Variants in WFDC1 observed in about 807,000 individuals in gnomAD.
WFDC1 encodes the protein WAP four-disulfide core domain 1, also known as WAP four-disulfide core domain protein 1.
Under a neutral mutation model 32.9 loss-of-function variants are expected in WFDC1, and 39 were observed. The ratio of observed to expected loss-of-function variants is 1.19; its 90% CI spans 0.92 to 1.55. WFDC1 has a LOEUF of 1.55. WFDC1 is among the 40% of genes most tolerant of loss of function. The probability of loss-of-function intolerance (pLI) is 0.00; values close to 1 mark genes in which losing one functional copy is unlikely to be tolerated. For synonymous variants in WFDC1, 184 were observed against 137.4 expected (o/e 1.34, Z -2.37); for missense variants, 386 against 309.5 (o/e 1.25, Z -1.85).
At chr16:84,301,468 G>T (rs147755581) in intron 1 of WFDC1, among the ~76,000 whole-genome samples, 329 of 152,276 alleles carry the variant, frequency 2.2e-3, no homozygotes, top group Non-Finnish European at 4.1e-3. Flanking sequence ...AGCTTTGTCT[G>T]CTCCTTGAAC....
intron 1 of WFDC1, among the ~76,000 whole-genome samples, chr16:84,297,692 G>A (rs539960596): frequency 6.7e-6 from 1 of 150,230 alleles, no homozygotes; most frequent in East Asian, 2.0e-4. Flanking sequence ...CTGTTCGCCT[G>A]TGGCTCAGAG....
intron 1 of WFDC1, 130 bp downstream of exon 1, chr16:84,295,245 T>C: frequency 8.2e-7 from 1 of 1,220,136 alleles, no homozygotes; most frequent in Non-Finnish European, 1.1e-6. Context: ...GGCGTCTTCC[T>C]ATCCGTGTGT....
At chr16:84,319,367 C>T (rs1908157543) in intron 3 of WFDC1, 64 bp from the exon 4 acceptor site, 6 of 1,583,210 alleles carry the variant, frequency 3.8e-6, no homozygotes, top group East Asian at 4.5e-5. Context: ...GCCTTCTAGA[C>T]CCTAGCATGT....
In WFDC1 at chr16:84,318,128, G is replaced by C. The variant is rs530508377; in HGVS notation, c.338-144G>C. On this transcript the variant is annotated intron_variant, in intron 2 of 6. Transcript: ENST00000219454. ...GAAAGGTTCTATCACTAAAAGCAAA[G>C]GGTGAAGGTGTGCCAGGAACCATAG... The C allele has an allele frequency of 2.2e-5, 16 of 728,562 alleles. No homozygotes were observed. The African/African-American group carries it at 2.8e-4, about 13-fold the overall frequency. 45.1% of individuals were successfully genotyped at this position (728,562 alleles called of 1,614,324 possible).
intron 1 of WFDC1, among the ~76,000 whole-genome samples, chr16:84,310,004 C>CT (rs1000148462): frequency 8.5e-5 from 13 of 152,194 alleles, no homozygotes; most frequent in African/African-American, 3.1e-4. Context: ...TGCAAAGACC[C>CT]TTTTTCCTTT....
At chr16:84,301,259 A>T (rs545313888) in intron 1 of WFDC1, among the ~76,000 whole-genome samples, 2 of 152,288 alleles carry the variant, frequency 1.3e-5, no homozygotes, top group East Asian at 3.9e-4. Context: ...TTAAGCCCCC[A>T]GCGTGTGGCA....
chr16:84,316,295 C>G (rs1597684492), intron 2 of WFDC1: 1 of 152,238 alleles, frequency 6.6e-6, no homozygotes, highest in East Asian at 1.9e-4. Context: ...AAAAGCTAAC[C>G]AGCATTTTTA....
rs1177641903 is a variant in WFDC1, at chr16:84,329,624, C to G, written c.*318C>G. The G allele has an allele frequency of 1.3e-5, 2 of 152,164 alleles. No individual in the cohort carries two copies. The highest frequency in any genetic ancestry group is 4.8e-5 in the African/African-American group (2 of 41,416). 9.4% of individuals were successfully genotyped at this position (152,164 alleles called of 1,614,324 possible). A position where few individuals can be genotyped will look rare whatever the true frequency, so the allele number is the denominator to read the frequency against. On this transcript the variant is annotated 3_prime_UTR_variant, in exon 7 of 7. Coordinates refer to ENST00000219454, the MANE Select transcript of WFDC1 (RefSeq NM_021197.4). The stretch of plus-strand genomic sequence containing the variant: ...GCATTTCTGAAGCCCCTTTCTAAGA[C>G]AAGGCTCAGCATCTTGATATTTTTG...
intron 1 of WFDC1, among the ~76,000 whole-genome samples, chr16:84,303,017 CTTTCT>C (rs1163419362): frequency 2.6e-4 from 34 of 128,772 alleles, no homozygotes; most frequent in Admixed American, 2.4e-3. Flanking sequence ...GAATTTCTTT[CTTTCT>C]TTTTTTTTTT....
chr16:84,301,190 G>A (rs244829), intron 1 of WFDC1, among the ~76,000 whole-genome samples: 128,181 of 152,160 alleles, frequency 0.84, 54,164 homozygotes, highest in East Asian at 0.99. Flanking sequence ...AACCCTGCCA[G>A]ACACCTGGAT....
At chr16:84,302,339 A>T (rs544779765) in intron 1 of WFDC1, among the ~76,000 whole-genome samples, 1 of 152,316 alleles carries the variant, frequency 6.6e-6, no homozygotes, top group East Asian at 1.9e-4. Flanking sequence ...TCGCACACTT[A>T]AGATGGCTGA....
At chr16:84,302,280 G>C (rs1263525777) in intron 1 of WFDC1, among the ~76,000 whole-genome samples, 1 of 152,186 alleles carries the variant, frequency 6.6e-6, no homozygotes, top group African/African-American at 2.4e-5. Flanking sequence ...CGCAGAAATA[G>C]ATCATGGAGG....
intron 1 of WFDC1, among the ~76,000 whole-genome samples, chr16:84,310,877 C>G (rs1431635629): frequency 1.3e-5 from 2 of 152,132 alleles, no homozygotes; most frequent in African/African-American, 4.8e-5. Context: ...GCCCTATGTA[C>G]TGGGCCAGCA....
intron 1 of WFDC1, among the ~76,000 whole-genome samples, chr16:84,307,724 TGTATTC>T (rs1907348945): frequency 6.6e-6 from 1 of 151,894 alleles, no homozygotes; most frequent in Admixed American, 6.6e-5. Flanking sequence ...CGACGTACGG[TGTATTC>T]TTAACCACCC....
chr16:84,304,077 T>A (rs1191816540), intron 1 of WFDC1, among the ~76,000 whole-genome samples: 1 of 152,206 alleles, frequency 6.6e-6, no homozygotes, highest in Admixed American at 6.5e-5. Flanking sequence ...TCCAGCCTCT[T>A]TTGGTTGCAC....
intron 1 of WFDC1, among the ~76,000 whole-genome samples, chr16:84,303,795 G>A (rs1381338399): frequency 6.6e-6 from 1 of 152,108 alleles, no homozygotes; most frequent in African/African-American, 2.4e-5. Context: ...AACCCTACAG[G>A]AAACCCTGCA....
chr16:84,309,308 A>G (rs1907468382), intron 1 of WFDC1, among the ~76,000 whole-genome samples: 1 of 152,044 alleles, frequency 6.6e-6, no homozygotes, highest in Non-Finnish European at 1.5e-5. Context: ...CAGGGCTCGG[A>G]GGTCGAGTGG....
At chr16:84,322,730 T>C (rs1908381102) in intron 4 of WFDC1, among the ~76,000 whole-genome samples, 1 of 152,194 alleles carries the variant, frequency 6.6e-6, no homozygotes, top group African/African-American at 2.4e-5. Flanking sequence ...GTTCACATTT[T>C]ATGCAAGAGG....
Position 84,312,959 on chromosome 16 carries a change from A to C in WFDC1, c.145-2A>C. 8.6e-7 allele frequency: 1 copy of C among 1,156,220 alleles called. No individual in the cohort carries two copies. Among genetic ancestry groups the C allele is most frequent in the East Asian group, 4.2e-5 (1 of 23,838 alleles). The allele number at this position is 1,156,220 out of a possible 1,614,324, so 71.6% of individuals were successfully genotyped here. A position where few individuals can be genotyped will look rare whatever the true frequency, so the allele number is the denominator to read the frequency against. ...GCTGCTGACACCGCCCTCTCCCCGC[A>C]GGCCGAGGAGGCGGGCGCGCCCGGC... On this transcript the variant is annotated splice_acceptor_variant, in intron 1 of 6. Coordinates refer to ENST00000219454, the MANE Select transcript of WFDC1 (RefSeq NM_021197.4). LOFTEE classifies it high-confidence loss of function.
Sources: gnomAD v4.1 joint callset for allele counts (sites outside exome capture counted in the v4.1 genomes callset) on GRCh38, gnomAD v4.1.1 for gene constraint, MANE v1.5 for transcripts, NCBI Gene and HGNC (gene_info 2026-07-23, HGNC 2026-07-21) for gene names.